DOCK1: variants seen among roughly 807,000 people sequenced by gnomAD.
The protein encoded by DOCK1 is dedicator of cytokinesis protein 1.
DOCK1 carries 138 observed loss-of-function variants against 262.7 expected under a neutral mutation model. The ratio of observed to expected loss-of-function variants is 0.53; its 90% CI spans 0.46 to 0.61. The LOEUF is 0.61. Ranked by LOEUF, DOCK1 falls within the 20% of genes least tolerant of loss-of-function variation. The pLI is 0.00. For missense variants in DOCK1, 1,908 were observed against 2,370.7 expected (o/e 0.80, Z 4.05); for synonymous variants, 866 against 867.4 (o/e 1.00, Z 0.03).
At chr10:127,040,232 G>A (rs1332372435) in intron 19 of DOCK1, among the ~76,000 whole-genome samples, 1 of 152,200 alleles carries the variant, frequency 6.6e-6, no homozygotes, top group East Asian at 1.9e-4. Flanking sequence ...GATGGGAAAT[G>A]GTGCAAAAGT....
chr10:127,363,940 A>T (rs1428597434), intron 33 of DOCK1, among the ~76,000 whole-genome samples: 3 of 152,240 alleles, frequency 2.0e-5, no homozygotes. Context: ...TAACATTGGC[A>T]TGAAATAGAA....
At chr10:127,103,505 G>C (rs946458982) in intron 23 of DOCK1, among the ~76,000 whole-genome samples, 1 of 152,156 alleles carries the variant, frequency 6.6e-6, no homozygotes, top group African/African-American at 2.4e-5. Context: ...CCTTTCCTCT[G>C]TCGGGGGTTT....
intron 29 of DOCK1, among the ~76,000 whole-genome samples, chr10:127,315,004 C>T (rs55908215): frequency 0.015 from 2,336 of 152,300 alleles, 66 homozygotes; most frequent in African/African-American, 0.054. Context: ...GGAGTGCCTG[C>T]AGGGGAAGGA....
chr10:127,415,556 G>A (rs909500774), intron 44 of DOCK1, among the ~76,000 whole-genome samples: 2 of 152,218 alleles, frequency 1.3e-5, no homozygotes, highest in African/African-American at 4.8e-5. Context: ...TTAACCAAGT[G>A]AAAAGTTGAA....
chr10:127,065,541 G>C (rs1211637554), intron 23 of DOCK1, among the ~76,000 whole-genome samples: 2 of 152,144 alleles, frequency 1.3e-5, no homozygotes, highest in African/African-American at 4.8e-5. Flanking sequence ...CCTGCTGCCA[G>C]TGCTCCAGAA....
chr10:127,439,157 T>G lies in DOCK1; in HGVS notation c.5191T>G (p.Phe1731Val). Residue 1731 changes from phenylalanine (F) to valine (V), a missense_variant, in exon 49 of 52, where the codon TTT becomes GTT. Physicochemically the swap from Phe to Val is conservative, Grantham distance 50 (BLOSUM62 -1). Transcript: ENST00000623213. ...EKRNSKHQEI[F>V]EKEFKPTDIS... ...AAGGAACAGCAAACATCAAGAGATA[T>G]TTGAGAAAGAATTTAAACCCACCGA... 1 of 1,609,762 alleles carries G rather than the reference T, an allele frequency of 6.2e-7. No individual in the cohort carries two copies. The highest frequency in any genetic ancestry group is 8.5e-7 in the Non-Finnish European group (1 of 1,178,128).
At chr10:127,233,593 C>T (rs1318682930) in intron 27 of DOCK1, among the ~76,000 whole-genome samples, 4 of 152,164 alleles carry the variant, frequency 2.6e-5, no homozygotes, top group Admixed American at 6.5e-5. Flanking sequence ...ACAAGTGAAG[C>T]TAATGTTTAA....
Position 127,390,004 on chromosome 10 carries a change from T to C in DOCK1, c.3927+5095T>C, listed in dbSNP as rs1379495295. Among the ~76,000 whole-genome samples the C allele has an allele frequency of 9.1e-5, 7 of 77,230 alleles. No individual in the cohort carries two copies. In the Admixed American group the frequency reaches 9.3e-4, roughly 10 times the overall value. 50.7% of individuals were successfully genotyped at this position (77,230 alleles called of 152,430 possible). Reference sequence around the variant, plus strand: ...ACTCCAGCCTGGGCGACAGGAACTCTGTCTCAAACAAAAAAAAAAAAGAGG... The same window carrying C: ...ACTCCAGCCTGGGCGACAGGAACTCCGTCTCAAACAAAAAAAAAAAAGAGG... On this transcript the variant is annotated intron_variant, in intron 38 of 51. Coordinates refer to ENST00000623213, the MANE Select transcript of DOCK1 (RefSeq NM_001290223.2).
intron 23 of DOCK1, among the ~76,000 whole-genome samples, chr10:127,096,554 C>G (rs970422277): frequency 2.0e-5 from 3 of 151,892 alleles, no homozygotes; most frequent in Non-Finnish European, 4.4e-5. Flanking sequence ...TTGTATCACC[C>G]ATAACTCTTC....
intron 1 of DOCK1, among the ~76,000 whole-genome samples, chr10:126,940,819 C>A: frequency 6.6e-6 from 1 of 152,180 alleles, no homozygotes; most frequent in East Asian, 1.9e-4. Flanking sequence ...CTTGTATTGA[C>A]AAGAACTGGA....
chr10:127,322,403 T>C (rs947054078), intron 29 of DOCK1, among the ~76,000 whole-genome samples: 1 of 149,060 alleles, frequency 6.7e-6, no homozygotes, highest in African/African-American at 2.6e-5. Context: ...TTAGCCAGGC[T>C]GATCTCAAAC....
intron 1 of DOCK1, among the ~76,000 whole-genome samples, chr10:126,927,088 A>G (rs2033794877): frequency 6.6e-6 from 1 of 152,174 alleles, no homozygotes; most frequent in Admixed American, 6.5e-5. Flanking sequence ...ATCTTGTCTT[A>G]TCTCCAGTCA....
At chr10:127,349,258 C>T (rs1017513349) in intron 31 of DOCK1, among the ~76,000 whole-genome samples, 7 of 152,042 alleles carry the variant, frequency 4.6e-5, no homozygotes, top group Admixed American at 2.6e-4. Flanking sequence ...GCCCCAGAAC[C>T]TCAGCCAGGT....
intron 1 of DOCK1, among the ~76,000 whole-genome samples, chr10:126,959,289 A>G (rs969780119): frequency 6.6e-6 from 1 of 152,222 alleles, no homozygotes; most frequent in Non-Finnish European, 1.5e-5. Flanking sequence ...TTCTTTACAG[A>G]TACAAGTTTT....
At chr10:127,130,042 A>G (rs956321349) in intron 27 of DOCK1, among the ~76,000 whole-genome samples, 3 of 146,998 alleles carry the variant, frequency 2.0e-5, no homozygotes, top group Non-Finnish European at 4.4e-5. Flanking sequence ...TTGGGGCACA[A>G]TCCTGCCTCC....
intron 29 of DOCK1, among the ~76,000 whole-genome samples, chr10:127,268,168 A>G (rs2060433755): frequency 6.6e-6 from 1 of 152,140 alleles, no homozygotes; most frequent in Non-Finnish European, 1.5e-5. Context: ...TAGTGTCTCC[A>G]TGTGATAGAT....
chr10:127,348,291 C>G (rs2063735406), intron 31 of DOCK1, among the ~76,000 whole-genome samples: 2 of 152,040 alleles, frequency 1.3e-5, no homozygotes, highest in Admixed American at 6.6e-5. Context: ...GCTCTTCCTC[C>G]CATCCCAGCC....
chr10:127,201,145 T>A (rs142384800), intron 27 of DOCK1, among the ~76,000 whole-genome samples: 100 of 152,294 alleles, frequency 6.6e-4, no homozygotes, highest in Non-Finnish European at 1.2e-3. Flanking sequence ...ACAGACACAA[T>A]CCTCAAGGTG....
chr10:126,922,495 C>T (rs535865338), intron 1 of DOCK1, among the ~76,000 whole-genome samples: 160 of 152,160 alleles, frequency 1.1e-3, no homozygotes, highest in African/African-American at 3.6e-3. Context: ...ACCAGTGTCT[C>T]GGGAACTCAC....
Sources: gnomAD v4.1 joint callset for allele counts (sites outside exome capture counted in the v4.1 genomes callset) on GRCh38, gnomAD v4.1.1 for gene constraint, MANE v1.5 for transcripts, NCBI Gene and HGNC (gene_info 2026-07-23, HGNC 2026-07-21) for gene names.